The following MAN2A1 variants were observed in gnomAD, a reference collection of about 807,000 sequenced individuals.
The protein encoded by MAN2A1 is alpha-mannosidase 2.
Under a neutral mutation model 142.6 loss-of-function variants are expected in MAN2A1, and 76 were observed. The ratio of observed to expected loss-of-function variants is 0.53; its 90% confidence interval spans 0.44 to 0.65. MAN2A1 has a LOEUF of 0.65. Among genes scored for constraint, MAN2A1 ranks in the 30% least tolerant of loss-of-function variants. MAN2A1 has a pLI of 0.00. For missense variants in MAN2A1, 1,311 were observed against 1,365.1 expected (o/e 0.96, Z 0.62); for synonymous variants, 559 against 473.2 (o/e 1.18, Z -2.35).
intron 7 of MAN2A1, among the ~76,000 whole-genome samples, chr5:109,773,756 A>T (rs954466525): frequency 6.6e-6 from 1 of 152,154 alleles, no homozygotes; most frequent in African/African-American, 2.4e-5. Flanking sequence ...AAATGTTTAT[A>T]ATTTTTATAA....
chr5:109,853,029 A>G (rs1755522404), intron 19 of MAN2A1, among the ~76,000 whole-genome samples: 1 of 152,158 alleles, frequency 6.6e-6, no homozygotes, highest in Admixed American at 6.6e-5. Context: ...AAACTTCCTT[A>G]TCTTTCTAAG....
At chr5:109,839,162 A>G (rs1353538691) in intron 16 of MAN2A1, among the ~76,000 whole-genome samples, 3 of 152,152 alleles carry the variant, frequency 2.0e-5, no homozygotes, top group Non-Finnish European at 2.9e-5. Context: ...TTACGTGAAT[A>G]CTATCATGCT....
chr5:109,746,959 G>T (rs910253139), intron 4 of MAN2A1, among the ~76,000 whole-genome samples: 2 of 152,084 alleles, frequency 1.3e-5, no homozygotes, highest in African/African-American at 4.8e-5. Context: ...CCTTTTTAAG[G>T]CTACATGATA....
intron 12 of MAN2A1, among the ~76,000 whole-genome samples, chr5:109,791,932 A>G (rs1389399464): frequency 6.6e-6 from 1 of 152,124 alleles, no homozygotes; most frequent in African/African-American, 2.4e-5. Context: ...GTAAGTATTT[A>G]AAAAGTAGTC....
intron 1 of MAN2A1, among the ~76,000 whole-genome samples, chr5:109,698,744 G>A (rs774724477): frequency 1.3e-5 from 2 of 152,158 alleles, no homozygotes; most frequent in Non-Finnish European, 2.9e-5. Context: ...GGAGTCCGGA[G>A]AGCTGGGACT....
In MAN2A1 at chr5:109,868,663, A is replaced by C. The variant is rs564540628; in HGVS notation, c.*1665A>C. On this transcript the variant is annotated 3_prime_UTR_variant, in exon 22 of 22. Coordinates refer to ENST00000261483, the MANE Select transcript of MAN2A1 (RefSeq NM_002372.4). ...CTTCACCTTTAATAATTAAGGAAAC[A>C]ATACCAGTGTTGATAAAGATATTAC... 2 of 152,350 alleles carry C rather than the reference A, an allele frequency of 1.3e-5. No individual in the cohort carries two copies. Among genetic ancestry groups the C allele is most frequent in the South Asian group, 4.1e-4 (2 of 4,830 alleles). 9.4% of individuals were successfully genotyped at this position (152,350 alleles called of 1,614,324 possible).
At chr5:109,853,452 T>A (rs1755532533) in intron 19 of MAN2A1, 1 of 152,150 alleles carries the variant, frequency 6.6e-6, no homozygotes, top group South Asian at 2.1e-4. Flanking sequence ...CTAATTTGGT[T>A]TGGAGGATTG....
intron 13 of MAN2A1, among the ~76,000 whole-genome samples, chr5:109,818,198 T>TG (rs1350703666): frequency 6.6e-6 from 1 of 152,144 alleles, no homozygotes; most frequent in African/African-American, 2.4e-5. Flanking sequence ...TGGAGTGCAA[T>TG]GGCGCGATCT....
intron 12 of MAN2A1, among the ~76,000 whole-genome samples, chr5:109,792,478 C>G (rs928168713): frequency 2.0e-5 from 3 of 152,080 alleles, no homozygotes; most frequent in Non-Finnish European, 4.4e-5. Context: ...TAGCCAAAAA[C>G]AGAGCTCTGA....
intron 16 of MAN2A1, among the ~76,000 whole-genome samples, chr5:109,827,587 T>C (rs931626343): frequency 2.6e-5 from 4 of 152,236 alleles, no homozygotes; most frequent in Non-Finnish European, 5.9e-5. Flanking sequence ...TATTTAACTT[T>C]TGTTTCTCTA....
At chr5:109,844,750 T>G (rs919563896) in intron 17 of MAN2A1, among the ~76,000 whole-genome samples, 4 of 152,210 alleles carry the variant, frequency 2.6e-5, no homozygotes, top group African/African-American at 9.6e-5. Flanking sequence ...TCTACCTCTT[T>G]TGTCATACAG....
intron 1 of MAN2A1, among the ~76,000 whole-genome samples, chr5:109,711,586 A>G (rs751664990): frequency 6.6e-6 from 1 of 152,220 alleles, no homozygotes; most frequent in Non-Finnish European, 1.5e-5. Flanking sequence ...AAAGGTTTAT[A>G]GGACGATACT....
At chr5:109,757,986 A>T (rs1338306575) in intron 5 of MAN2A1, among the ~76,000 whole-genome samples, 1 of 152,164 alleles carries the variant, frequency 6.6e-6, no homozygotes, top group Non-Finnish European at 1.5e-5. Flanking sequence ...GCTGCTGTGA[A>T]TAATGCTGTT....
intron 4 of MAN2A1, among the ~76,000 whole-genome samples, chr5:109,750,586 A>G (rs529318067): frequency 3.3e-5 from 5 of 152,206 alleles, no homozygotes; most frequent in East Asian, 3.9e-4. Context: ...ACTAAAAGCT[A>G]TGTGCTTTCT....
chr5:109,719,082 TTTTG>T (rs1238821967), intron 3 of MAN2A1, among the ~76,000 whole-genome samples: 7 of 150,470 alleles, frequency 4.7e-5, no homozygotes, highest in African/African-American at 1.2e-4. Context: ...TTTTTAGATT[TTTTG>T]TTTGTTTGTT....
At chr5:109,715,525 G>A (rs1751428865) in intron 2 of MAN2A1, among the ~76,000 whole-genome samples, 1 of 151,898 alleles carries the variant, frequency 6.6e-6, no homozygotes, top group African/African-American at 2.4e-5. Flanking sequence ...ATACATAAAA[G>A]CTAAATCTCA....
intron 16 of MAN2A1, among the ~76,000 whole-genome samples, chr5:109,838,230 A>G (rs1755107925): frequency 6.6e-6 from 1 of 152,154 alleles, no homozygotes; most frequent in Non-Finnish European, 1.5e-5. Flanking sequence ...ATAAGGATAA[A>G]CAAACTCCAT....
chr5:109,743,612 G>C (rs1188885829), intron 4 of MAN2A1, among the ~76,000 whole-genome samples: 1 of 152,130 alleles, frequency 6.6e-6, no homozygotes, highest in Non-Finnish European at 1.5e-5. Context: ...GTGACATCCA[G>C]TTAGTCCCTA....
At chr5:109,844,835 G>C (rs554406503) in intron 17 of MAN2A1, among the ~76,000 whole-genome samples, 4 of 152,140 alleles carry the variant, frequency 2.6e-5, no homozygotes, top group Non-Finnish European at 2.9e-5. Context: ...CCAGTCATTA[G>C]GTTAGGTCCC....
Sources: gnomAD v4.1 joint callset for allele counts (sites outside exome capture counted in the v4.1 genomes callset) on GRCh38, gnomAD v4.1.1 for gene constraint, MANE v1.5 for transcripts, NCBI Gene and HGNC (gene_info 2026-07-23, HGNC 2026-07-21) for gene names.